ARHGEF38: variants seen among roughly 807,000 people sequenced by gnomAD.
ARHGEF38 encodes Rho guanine nucleotide exchange factor 38, also known as Rho guanine nucleotide exchange factor (GEF) 38.
Under a neutral mutation model 79.9 loss-of-function variants are expected in ARHGEF38, and 79 were observed. The observed-to-expected ratio is 0.99, with a 90% CI of 0.82 to 1.19. The LOEUF is 1.19. Among genes scored for constraint, ARHGEF38 ranks in the 50% most tolerant of loss-of-function variants. The pLI, the probability that ARHGEF38 is intolerant of heterozygous loss-of-function variation, is 0.00. For missense variants in ARHGEF38, 962 were observed against 907.2 expected, an observed-to-expected ratio of 1.06 and a Z score of -0.78; for synonymous variants, 366 against 328.3, an observed-to-expected ratio of 1.11 and a Z score of -1.24.
At chr4:105,643,830 A>G (rs938926028) in intron 5 of ARHGEF38, among the ~76,000 whole-genome samples, 1 of 149,004 alleles carries the variant, frequency 6.7e-6, no homozygotes, top group Non-Finnish European at 1.5e-5. Context: ...TTTCTCATTT[A>G]TCAAATGAAT....
intron 5 of ARHGEF38, among the ~76,000 whole-genome samples, chr4:105,643,468 C>CT (rs1343472933): frequency 1.3e-5 from 2 of 152,122 alleles, no homozygotes; most frequent in Non-Finnish European, 2.9e-5. Context: ...TTGCTTTAGT[C>CT]TTTGTCTCTC....
chr4:105,561,469 A>AGAATAGAATGGAATG lies in ARHGEF38; in HGVS notation c.196+8517_196+8518insGGAATGGAATAGAAT, dbSNP rs1560684572. ...AGAATGGAATAGAATAGAATAGAAT[A>AGAATAGAATGGAATG]GAATAGAATAGAATAGAATAGAATA... On this transcript the variant is annotated intron_variant, in intron 1 of 13. Transcript: ENST00000420470. 1.6e-3 allele frequency: 79 copies of AGAATAGAATGGAATG among 49,682 alleles called. 11 individuals carry two copies. Among genetic ancestry groups the AGAATAGAATGGAATG allele is most frequent in the East Asian group, 5.1e-3 (11 of 2,136 alleles). 3.1% of individuals were successfully genotyped at this position (49,682 alleles called of 1,614,324 possible).
At chr4:105,608,747 G>T (rs1728163323) in intron 2 of ARHGEF38, among the ~76,000 whole-genome samples, 1 of 151,760 alleles carries the variant, frequency 6.6e-6, no homozygotes, top group African/African-American at 2.4e-5. Flanking sequence ...TGCAGGATGT[G>T]CAGGTTTGTT....
At chr4:105,616,862 G>T (rs901501330) in intron 3 of ARHGEF38, among the ~76,000 whole-genome samples, 1 of 152,176 alleles carries the variant, frequency 6.6e-6, no homozygotes, top group African/African-American at 2.4e-5. Context: ...GTGATTAAAT[G>T]CATGCAGCTG....
At chr4:105,582,855 A>G (rs1726862776) in intron 1 of ARHGEF38, among the ~76,000 whole-genome samples, 1 of 152,220 alleles carries the variant, frequency 6.6e-6, no homozygotes, top group African/African-American at 2.4e-5. Context: ...TAGAATTTTC[A>G]TATCTTCCTA....
rs1304388251 is a variant in ARHGEF38, at chr4:105,655,647, G to T, written c.1158G>T (p.Glu386Asp). The T allele has an allele frequency of 3.3e-6, 5 of 1,535,984 alleles. No individual in the cohort carries two copies. Among genetic ancestry groups the T allele is most frequent in the Non-Finnish European group, 4.4e-6 (5 of 1,146,748 alleles). The change falls in exon 9 of 14, where the codon GAG becomes GAT. Residue 386 changes from glutamate to aspartate, a missense_variant. Coordinates refer to ENST00000420470, the MANE Select transcript of ARHGEF38 (RefSeq NM_001242729.2). ...LALQSVMDLQEISYNKDDEMD... is the reference protein window; with the variant it reads ...LALQSVMDLQDISYNKDDEMD... ...TGCAGAGTGTGATGGACCTTCAGGA[G>T]ATTTCATACAACAAAGACGATGAGA...
At position 105,562,643 on chromosome 4, in the gene ARHGEF38, G is replaced by C. The variant is rs369179428; in HGVS notation, c.196+9682G>C. Among the ~76,000 whole-genome samples the C allele has an allele frequency of 7.9e-4, 120 of 152,320 alleles. 2 individuals carry two copies. In the South Asian group the frequency reaches 0.024, roughly 30 times the overall value. ...ATTTGCTAGGTATTCGTATGTGCCA[G>C]GTATGACTAGGTCCTAAGAATGTTT... On this transcript the variant is annotated intron_variant, in intron 1 of 13. Transcript: ENST00000420470.
rs1264850687 is a variant in ARHGEF38, at chr4:105,654,164, A to C, written c.1108A>C (p.Ile370Leu). 1.4e-6 allele frequency: 2 copies of C among 1,478,340 alleles called. No homozygotes were observed. Among genetic ancestry groups the C allele is most frequent in the Admixed American group, 4.0e-5 (2 of 49,642 alleles). 91.6% of individuals were successfully genotyped at this position (1,478,340 alleles called of 1,614,324 possible). Residue 370 changes from isoleucine (I) to leucine (L), a missense_variant, in exon 8 of 14, where the codon ATA becomes CTA. Ile to Leu is a conservative substitution (Grantham distance 5). Coordinates refer to ENST00000420470, the MANE Select transcript of ARHGEF38 (RefSeq NM_001242729.2). ...GAACATTTCACTCTGTCTTCAACAC[A>C]TACAGGTAGGTGAGACACAACTGTT... ...VKNISLCLQH[I>L]QDAMPLALQS... is the part of the protein sequence containing the mutation.
chr4:105,667,833 G>A, intron 13 of ARHGEF38, 130 bp downstream of exon 13: 5 of 1,054,272 alleles, frequency 4.7e-6, no homozygotes, highest in Middle Eastern at 2.5e-4. Context: ...GGCTCTATTA[G>A]CACAGTGGAT....
chr4:105,670,617 A>G (rs1413811300), intron 13 of ARHGEF38, among the ~76,000 whole-genome samples: 7 of 151,950 alleles, frequency 4.6e-5, no homozygotes, highest in African/African-American at 1.2e-4. Flanking sequence ...GGACATTACT[A>G]TTTGTTCTTA....
chr4:105,617,252 T>C (rs1253424319), intron 3 of ARHGEF38, among the ~76,000 whole-genome samples: 4 of 152,174 alleles, frequency 2.6e-5, no homozygotes, highest in Admixed American at 6.5e-5. Flanking sequence ...AATGATAACA[T>C]AAATACAAAT....
At chr4:105,654,490 GAC>G (rs1188960505) in intron 8 of ARHGEF38, among the ~76,000 whole-genome samples, 1 of 152,160 alleles carries the variant, frequency 6.6e-6, no homozygotes, top group African/African-American at 2.4e-5. Flanking sequence ...AATTGCAAGA[GAC>G]AGAAAATTTG....
chr4:105,674,367 T>C (rs1405446714), intron 13 of ARHGEF38, among the ~76,000 whole-genome samples: 1 of 152,136 alleles, frequency 6.6e-6, no homozygotes, highest in Non-Finnish European at 1.5e-5. Context: ...ATTAGGTGAT[T>C]ATGGCTCAAA....
intron 7 of ARHGEF38, among the ~76,000 whole-genome samples, chr4:105,652,809 G>A (rs1489426765): frequency 6.6e-6 from 1 of 152,196 alleles, no homozygotes; most frequent in Admixed American, 6.5e-5. Context: ...GTTGGATTTT[G>A]TGGGGATTCC....
chr4:105,612,937 C>A (rs1245814183), intron 2 of ARHGEF38, among the ~76,000 whole-genome samples: 3 of 152,038 alleles, frequency 2.0e-5, no homozygotes, highest in African/African-American at 7.2e-5. Flanking sequence ...GAAAAAGCAA[C>A]CCAGCACATC....
intron 3 of ARHGEF38, among the ~76,000 whole-genome samples, chr4:105,623,487 A>G (rs1030395284): frequency 1.3e-5 from 2 of 152,154 alleles, no homozygotes; most frequent in Non-Finnish European, 2.9e-5. Flanking sequence ...CAGTGTTGTC[A>G]ACCTTACATT....
At chr4:105,647,888 ATTTTTTT>A (rs769532644) in intron 6 of ARHGEF38, among the ~76,000 whole-genome samples, 4 of 119,554 alleles carry the variant, frequency 3.3e-5, no homozygotes, top group South Asian at 2.7e-4. Flanking sequence ...TTTCTTTTCT[ATTTTTTT>A]TTTTTTTTTT....
intron 1 of ARHGEF38, among the ~76,000 whole-genome samples, chr4:105,561,400 T>TAGAATAGAATGGAATGGAATAGAATAG (rs59437354): frequency 3.3e-5 from 1 of 30,160 alleles, no homozygotes; most frequent in Non-Finnish European, 6.7e-5. Flanking sequence ...TAGAGTAGAA[T>TAGAATAGAATGGAATGGAATAGAATAG]AATAGAATAG....
chr4:105,578,820 G>A (rs1393359307), intron 1 of ARHGEF38, among the ~76,000 whole-genome samples: 4 of 152,072 alleles, frequency 2.6e-5, no homozygotes, highest in Non-Finnish European at 5.9e-5. Flanking sequence ...GTCTCTGGAA[G>A]ACAGTTGATA....
Sources: allele counts gnomAD v4.1 joint callset (sites outside exome capture counted in the v4.1 genomes callset), GRCh38; gene constraint gnomAD v4.1.1; transcripts MANE v1.5; gene names NCBI Gene and HGNC (gene_info 2026-07-23, HGNC 2026-07-21).